The following CELA2B variants were observed in gnomAD, a reference collection of about 807,000 sequenced individuals.
The protein encoded by CELA2B is chymotrypsin like elastase 2B, also known as chymotrypsin-like elastase family member 2B.
CELA2B carries 27 observed loss-of-function variants against 36.5 expected under a neutral mutation model. The ratio of observed to expected loss-of-function variants is 0.74; its 90% CI spans 0.55 to 1.02. The LOEUF is 1.02. CELA2B is among the 50% of genes least tolerant of loss of function. The probability of loss-of-function intolerance (pLI) is 0.00; values close to 1 mark genes in which losing one functional copy is unlikely to be tolerated. For missense variants in CELA2B, 340 were observed against 347.8 expected, an observed-to-expected ratio of 0.98 and a Z score of 0.18; for synonymous variants, 143 against 148.5, an observed-to-expected ratio of 0.96 and a Z score of 0.27.
chr1:15,483,420 C>T lies in CELA2B; in HGVS notation c.493+20C>T, dbSNP rs773518091. 1.1e-5 allele frequency: 18 copies of T among 1,613,214 alleles called. No homozygotes were observed. Among genetic ancestry groups the T allele is most frequent in the Non-Finnish European group, 1.5e-5 (18 of 1,179,452 alleles). On this transcript the variant is annotated intron_variant, in intron 5 of 7. Coordinates refer to ENST00000375910, the MANE Select transcript of CELA2B (RefSeq NM_015849.3). ...TGCAGAGTAAGTGGGAGCCAGGAGC[C>T]CCCAGGCCTGGGAGGGAAGGGAGGT...
intron 7 of CELA2B, among the ~76,000 whole-genome samples, chr1:15,489,063 C>G (rs1247934531): frequency 6.6e-6 from 1 of 152,222 alleles, no homozygotes; most frequent in African/African-American, 2.4e-5. Flanking sequence ...TCAAAGGAGC[C>G]TGGCCTGAGA....
At chr1:15,483,980 G>T (rs947257470) in intron 5 of CELA2B, among the ~76,000 whole-genome samples, 2 of 151,974 alleles carry the variant, frequency 1.3e-5, no homozygotes, top group African/African-American at 2.4e-5. Flanking sequence ...GTTGTCAAGA[G>T]GATTAAAGGA....
intron 4 of CELA2B, 63 bp downstream of exon 4, chr1:15,482,456 G>C (rs1708754833): frequency 6.2e-7 from 1 of 1,607,718 alleles, no homozygotes; most frequent in Non-Finnish European, 8.5e-7. Flanking sequence ...GGGTCTCACA[G>C]AGGCAAAGGT....
rs1708766482 is a variant in CELA2B, at chr1:15,483,387, G to C, written c.480G>C (p.Trp160Cys). ...ACTACCCCTGCTACGTCACGGGCTG[G>C]GGAAGGCTGCAGAGTAAGTGGGAGC... ...PNNYPCYVTGWGRLQTNGALP... is the reference protein window; with the variant it reads ...PNNYPCYVTGCGRLQTNGALP... Residue 160 changes from tryptophan (W) to cysteine (C), a missense_variant, in exon 5 of 8, where the codon TGG becomes TGC. By Grantham distance (215) the Trp-to-Cys change is radical (BLOSUM62 -2). Transcript: ENST00000375910. 4 of 1,613,946 alleles carry C rather than the reference G, an allele frequency of 2.5e-6. No individual in the cohort carries two copies. Among genetic ancestry groups the C allele is most frequent in the Non-Finnish European group, 3.4e-6 (4 of 1,179,870 alleles).
At chr1:15,491,226 C>G in intron 7 of CELA2B, 69 bp from the exon 8 acceptor site, 1 of 1,599,816 alleles carries the variant, frequency 6.3e-7, no homozygotes, top group Non-Finnish European at 8.6e-7. Flanking sequence ...AGGACAGAGA[C>G]AGGAAACTGC....
intron 6 of CELA2B, 68 bp downstream of exon 6, chr1:15,486,114 A>G (rs1316216828): frequency 6.3e-7 from 1 of 1,575,858 alleles, no homozygotes; most frequent in African/African-American, 1.3e-5. Flanking sequence ...GAGGCTATGG[A>G]AAACCATCCC....
intron 4 of CELA2B, among the ~76,000 whole-genome samples, chr1:15,483,017 G>A (rs1328917332): frequency 2.0e-5 from 3 of 152,146 alleles, no homozygotes; most frequent in Non-Finnish European, 2.9e-5. Flanking sequence ...TCGATCTCCT[G>A]ACCTCATGAT....
chr1:15,487,193 C>A lies in CELA2B; in HGVS notation c.640-92C>A, dbSNP rs1708814502. 17 of 1,230,024 alleles carry A rather than the reference C, an allele frequency of 1.4e-5. No homozygotes were observed. In the South Asian group the frequency reaches 2.0e-4, roughly 14 times the overall value. The allele number at this position is 1,230,024 out of a possible 1,614,324, so 76.2% of individuals were successfully genotyped here. On this transcript the variant is annotated intron_variant, in intron 6 of 7. Transcript: ENST00000375910. ...ACCAGCTTCAGAGGACAGTGACCTG[C>A]AGCAGAACAATAGAAATGCATTGAG...
chr1:15,486,041 T>G lies in CELA2B; in HGVS notation c.634T>G (p.Cys212Gly). 1.2e-6 allele frequency: 2 copies of G among 1,612,484 alleles called. No individual in the cohort carries two copies. The highest frequency in any genetic ancestry group is 2.2e-5 in the South Asian group (2 of 91,006). The change falls in exon 6 of 8, where the codon TGC becomes GGC. Residue 212 changes from cysteine (C) to glycine (G), a missense_variant. Transcript: ENST00000375910. ...TGGGGGTGATGGCGTGATATGCACC[T>G]GCAACGTGAGTACCAAAAATCAGGG... is the stretch of plus-strand genomic sequence containing the variant. ...CAGGDGVICTCNGDSGGPLNC... is the reference protein window; with the variant it reads ...CAGGDGVICTGNGDSGGPLNC...
rs766212606 is a variant in CELA2B at position 15,486,043 on chromosome 1, C to T, written c.636C>T (p.Cys212=). The part of the protein sequence containing the change: ...CAGGDGVICT[C]NGDSGGPLNC... ...GGGGTGATGGCGTGATATGCACCTG[C>T]AACGTGAGTACCAAAAATCAGGGGC... The change falls in exon 6 of 8, where the codon TGC becomes TGT. Residue 212 remains cysteine, a synonymous_variant. Transcript: ENST00000375910. 1.2e-6 allele frequency: 2 copies of T among 1,612,246 alleles called. No individual in the cohort carries two copies. The highest frequency in any genetic ancestry group is 1.7e-5 in the Admixed American group (1 of 59,954).
At chr1:15,483,439 G>A (rs1363817648) in intron 5 of CELA2B, 39 bp downstream of exon 5, 3 of 1,613,248 alleles carry the variant, frequency 1.9e-6, no homozygotes, top group Non-Finnish European at 2.5e-6. Flanking sequence ...TGGGAGGGAA[G>A]GGAGGTGATG....
At chr1:15,485,715 C>T in intron 5 of CELA2B, 186 bp from the exon 6 acceptor site, 1 of 740,496 alleles carries the variant, frequency 1.4e-6, no homozygotes. Flanking sequence ...GTGTTCACTG[C>T]TGAACCAATC....
intron 1 of CELA2B, 40 bp downstream of exon 1, chr1:15,476,205 TG>T: frequency 6.2e-7 from 1 of 1,613,146 alleles, no homozygotes; most frequent in Non-Finnish European, 8.5e-7. Flanking sequence ...TCCCATCCCC[TG>T]GTGGGGCTGG....
intron 3 of CELA2B, among the ~76,000 whole-genome samples, chr1:15,481,945 GA>G (rs1426055592): frequency 5.9e-5 from 9 of 152,130 alleles, no homozygotes; most frequent in Admixed American, 5.9e-4. Context: ...ATAAAAGGTT[GA>G]AAATTTCCTT....
chr1:15,481,072 A>G (rs1163228015), intron 2 of CELA2B, 26 bp from the exon 3 acceptor site: 1 of 1,609,808 alleles, frequency 6.2e-7, no homozygotes, highest in Non-Finnish European at 8.5e-7. Flanking sequence ...TTTCAGCCAC[A>G]GCCACAGACC....
Position 15,487,386 on chromosome 1 carries a change from C to CA in CELA2B, c.743dup (p.Pro249AlafsTer21). 1.2e-6 allele frequency: 2 copies of CA among 1,614,258 alleles called. No homozygotes were observed. Among genetic ancestry groups the CA allele is most frequent in the Non-Finnish European group, 1.7e-6 (2 of 1,180,052 alleles). ...CGGTCCTTGGTTGCAACTACTACTA[C>CA]AAGCCCTCCATCTTCACGCGGGTCT... is the stretch of plus-strand genomic sequence containing the variant. On this transcript the variant is annotated frameshift_variant, in exon 7 of 8. Transcript: ENST00000375910. LOFTEE classifies it high-confidence loss of function.
intron 2 of CELA2B, 130 bp from the exon 3 acceptor site, chr1:15,480,968 C>A (rs1385401818): frequency 2.1e-5 from 19 of 900,112 alleles, no homozygotes; most frequent in Non-Finnish European, 3.0e-5. Context: ...TTGGGTGCCC[C>A]CTTAAGTTGT....
intron 5 of CELA2B, among the ~76,000 whole-genome samples, chr1:15,485,151 G>C (rs1355012116): frequency 6.6e-6 from 1 of 152,144 alleles, no homozygotes; most frequent in African/African-American, 2.4e-5. Context: ...CTGCCTTGGC[G>C]TCCTAAACTG....
intron 7 of CELA2B, among the ~76,000 whole-genome samples, chr1:15,489,098 G>C (rs1201734017): frequency 1.5e-4 from 23 of 152,194 alleles, no homozygotes; most frequent in Non-Finnish European, 3.2e-4. Flanking sequence ...GGCTGCTTAG[G>C]GGCCTTTCCC....
Sources: allele counts gnomAD v4.1 joint callset (sites outside exome capture counted in the v4.1 genomes callset), GRCh38; gene constraint gnomAD v4.1.1; transcripts MANE v1.5; gene names NCBI Gene and HGNC (gene_info 2026-07-23, HGNC 2026-07-21).